TBC1D24: variants seen among roughly 807,000 people sequenced by gnomAD.
The protein encoded by TBC1D24 is TBC1 domain family member 24.
A neutral mutation model predicts 50.7 loss-of-function variants in TBC1D24; 47 were observed. The ratio of observed to expected loss-of-function variants is 0.93; its 90% CI spans 0.73 to 1.18. The LOEUF (loss-of-function observed/expected upper bound fraction) is 1.18. TBC1D24 is among the 50% of genes most tolerant of loss of function. The pLI, the probability that TBC1D24 is intolerant of heterozygous loss-of-function variation, is 0.00. For missense variants in TBC1D24, 688 were observed against 766.5 expected, an observed-to-expected ratio of 0.90 and a Z score of 1.21; for synonymous variants, 324 against 335.2, an observed-to-expected ratio of 0.97 and a Z score of 0.36.
In TBC1D24 at chr16:2,486,400, C is replaced by T. The variant is rs908277916; in HGVS notation, c.-115-9634C>T. 3.3e-5 allele frequency among the ~76,000 whole-genome samples: 5 copies of T among 152,258 alleles called. No homozygotes were observed. Among genetic ancestry groups the T allele is most frequent in the Admixed American group, 2.0e-4 (3 of 15,294 alleles). On this transcript the variant is annotated intron_variant, in intron 1 of 7. Transcript: ENST00000646147. This position sits in a 1 kb window ranked among gnomAD's most constrained non-coding sequence, Gnocchi z 5.8. Reference sequence around the variant, plus strand: ...AAGAAGTGAGACGAGCGGCAGCTGACGCCCATGCCCTGTTCTGTGGCCCGT... The same window carrying T: ...AAGAAGTGAGACGAGCGGCAGCTGATGCCCATGCCCTGTTCTGTGGCCCGT...
intron 1 of TBC1D24, chr16:2,479,384 T>A (rs899282961): frequency 6.6e-6 from 1 of 152,202 alleles, no homozygotes; most frequent in Admixed American, 6.5e-5. Flanking sequence ...TTCCCACAGG[T>A]AGGGCTCTGA....
rs1014189761 is a variant in TBC1D24 at position 2,475,747 on chromosome 16, T to C, written c.-116+577T>C. Among the ~76,000 whole-genome samples, 6 of 151,326 alleles carry C rather than the reference T, an allele frequency of 4.0e-5. No homozygotes were observed. In the South Asian group the frequency reaches 1.3e-3, roughly 32 times the overall value. The stretch of plus-strand genomic sequence containing the variant: ...CCGCTGTCCTTCGGGCCCTGGGAGG[T>C]GGAAGCCAGGGACTCCCAGCCCTGA... On this transcript the variant is annotated intron_variant, in intron 1 of 7. Coordinates refer to ENST00000646147, the MANE Select transcript of TBC1D24 (RefSeq NM_001199107.2). The surrounding 1 kb of genome is among the most constrained non-coding windows in gnomAD (Gnocchi z 4.2).
rs182187260 is a variant in TBC1D24, at chr16:2,486,269, C to T, written c.-115-9765C>T. On this transcript the variant is annotated intron_variant, in intron 1 of 7. Coordinates refer to ENST00000646147, the MANE Select transcript of TBC1D24 (RefSeq NM_001199107.2). This position sits in a 1 kb window ranked among gnomAD's most constrained non-coding sequence, Gnocchi z 5.8. ...ACCTCCTTCCTGTGGTCCCTAGCTG[C>T]GGGCGTTGGCGTTCCCCACCCATGG... Among the ~76,000 whole-genome samples, 248 of 152,346 alleles carry T rather than the reference C, an allele frequency of 1.6e-3. No individual in the cohort carries two copies. The highest frequency in any genetic ancestry group is 4.7e-3 in the African/African-American group (194 of 41,582).
At chr16:2,497,162 G>C (rs373050537) in intron 2 of TBC1D24, 49 bp downstream of exon 2, 26 of 1,597,226 alleles carry the variant, frequency 1.6e-5, no homozygotes, top group Non-Finnish European at 2.2e-5. Context: ...CGGGGGCTGG[G>C]GCAGGACGTG....
chr16:2,500,657 C>T lies in TBC1D24; in HGVS notation c.1526-147C>T. On this transcript the variant is annotated intron_variant, in intron 7 of 7. Coordinates refer to ENST00000646147, the MANE Select transcript of TBC1D24 (RefSeq NM_001199107.2). This position sits in a 1 kb window ranked among gnomAD's most constrained non-coding sequence, Gnocchi z 8.0. ...GCTGGAAGGGAGAGACCAGCCTGGACAGCTGGTCCTGGGGGCTATGGAGGG... is the reference window on the plus strand; with the variant it reads ...GCTGGAAGGGAGAGACCAGCCTGGATAGCTGGTCCTGGGGGCTATGGAGGG... 1.5e-6 allele frequency: 2 copies of T among 1,302,072 alleles called. No individual in the cohort carries two copies. Among genetic ancestry groups the T allele is most frequent in the South Asian group, 1.4e-5 (1 of 70,072 alleles). The allele number at this position is 1,302,072 out of a possible 1,614,324, so 80.7% of individuals were successfully genotyped here. A position where few individuals can be genotyped will look rare whatever the true frequency, so the allele number is the denominator to read the frequency against.
Position 2,486,326 on chromosome 16 carries a change from C to T in TBC1D24, c.-115-9708C>T, listed in dbSNP as rs1039923104. ...GCCTCATTTCCTCTTCCTCTTCATT[C>T]CCGGTCCCACTCCCAGGAAATGGTG... is the stretch of plus-strand genomic sequence containing the variant. On this transcript the variant is annotated intron_variant, in intron 1 of 7. Coordinates refer to ENST00000646147, the MANE Select transcript of TBC1D24 (RefSeq NM_001199107.2). The surrounding 1 kb of genome is among the most constrained non-coding windows in gnomAD (Gnocchi z 5.8). 3.9e-5 allele frequency among the ~76,000 whole-genome samples: 6 copies of T among 152,184 alleles called. No homozygotes were observed. Among genetic ancestry groups the T allele is most frequent in the Non-Finnish European group, 7.3e-5 (5 of 68,038 alleles).
chr16:2,493,326 A>G (rs1204253361), intron 1 of TBC1D24, among the ~76,000 whole-genome samples: 1 of 151,744 alleles, frequency 6.6e-6, no homozygotes, highest in East Asian at 2.0e-4. Context: ...TTTTTAGTAG[A>G]GACAGGGTTT....
rs761057375 is a variant in TBC1D24, at chr16:2,500,778, C to G, written c.1526-26C>G. On this transcript the variant is annotated intron_variant, in intron 7 of 7. Coordinates refer to ENST00000646147, the MANE Select transcript of TBC1D24 (RefSeq NM_001199107.2). This position sits in a 1 kb window ranked among gnomAD's most constrained non-coding sequence, Gnocchi z 8.0. ...GGTCAGTGCTGATAGGGCAGTCAGG[C>G]CGCCACTGACCTGAGCATCCTGCAG... is the stretch of plus-strand genomic sequence containing the variant. 1.3e-6 allele frequency: 2 copies of G among 1,591,354 alleles called. No individual in the cohort carries two copies. The highest frequency in any genetic ancestry group is 8.5e-7 in the Non-Finnish European group (1 of 1,175,056).
At position 2,500,718 on chromosome 16, in the gene TBC1D24, G is replaced by T. The variant is rs2065785796; in HGVS notation, c.1526-86G>T. ...GTGCGGTTTCAGAGAGGCCCGTGCA[G>T]GGCAGGACAGCTGGGACAGCAGGTG... is the stretch of plus-strand genomic sequence containing the variant. On this transcript the variant is annotated intron_variant, in intron 7 of 7. Coordinates refer to ENST00000646147, the MANE Select transcript of TBC1D24 (RefSeq NM_001199107.2). The surrounding 1 kb of genome is among the most constrained non-coding windows in gnomAD (Gnocchi z 8.0). 1 of 1,511,288 alleles carries T rather than the reference G, an allele frequency of 6.6e-7. No homozygotes were observed. The highest frequency in any genetic ancestry group is 1.4e-5 in the African/African-American group (1 of 72,942). 93.6% of individuals were successfully genotyped at this position (1,511,288 alleles called of 1,614,324 possible). A position where few individuals can be genotyped will look rare whatever the true frequency, so the allele number is the denominator to read the frequency against.
In TBC1D24 at chr16:2,482,737, C is replaced by A. The variant is rs1374901220; in HGVS notation, c.-116+7567C>A. ...GACACCTGGGAAGCAGCTGGAGGGACAGGTCTGGACCTCAAAGAAGGATTC... is the reference window on the plus strand; with the variant it reads ...GACACCTGGGAAGCAGCTGGAGGGAAAGGTCTGGACCTCAAAGAAGGATTC... On this transcript the variant is annotated intron_variant, in intron 1 of 7. Coordinates refer to ENST00000646147, the MANE Select transcript of TBC1D24 (RefSeq NM_001199107.2). This position sits in a 1 kb window ranked among gnomAD's most constrained non-coding sequence, Gnocchi z 5.2. Among the ~76,000 whole-genome samples, 1 of 152,152 alleles carries A rather than the reference C, an allele frequency of 6.6e-6. No homozygotes were observed. Among genetic ancestry groups the A allele is most frequent in the Non-Finnish European group, 1.5e-5 (1 of 68,024 alleles).
rs1260594638 is a variant in TBC1D24 at position 2,496,642 on chromosome 16, G to A, written c.494G>A (p.Gly165Asp). The change falls in exon 2 of 8, where the codon GGC becomes GAC. Residue 165 changes from glycine to aspartate, a missense_variant. Transcript: ENST00000646147. ...CGCATCCTGGCCTGCAATGACCCCG[G>A]CAGGAGGCTGATCGACCAGAGCTTC... is the stretch of plus-strand genomic sequence containing the variant. ...ACRILACNDP[G>D]RRLIDQSFLA... The A allele has an allele frequency of 6.2e-7, 1 of 1,612,416 alleles. No homozygotes were observed. Among genetic ancestry groups the A allele is most frequent in the South Asian group, 1.1e-5 (1 of 91,090 alleles).
chr16:2,503,169 C>G lies in TBC1D24; in HGVS notation c.*2211C>G, dbSNP rs1187190303. On this transcript the variant is annotated 3_prime_UTR_variant, in exon 8 of 8. Coordinates refer to ENST00000646147, the MANE Select transcript of TBC1D24 (RefSeq NM_001199107.2). ...ACCCGGGCCTTCCAGTGATCTGGAC[C>G]AGGAAGACGGATTGCTGCTGGGTCA... is the stretch of plus-strand genomic sequence containing the variant. 6.6e-6 allele frequency: 1 copy of G among 152,240 alleles called. No homozygotes were observed. Among genetic ancestry groups the G allele is most frequent in the Non-Finnish European group, 1.5e-5 (1 of 68,048 alleles). 9.4% of individuals were successfully genotyped at this position (152,240 alleles called of 1,614,324 possible). A position where few individuals can be genotyped will look rare whatever the true frequency, so the allele number is the denominator to read the frequency against.
intron 1 of TBC1D24, among the ~76,000 whole-genome samples, chr16:2,495,182 G>A (rs1178593490): frequency 5.9e-5 from 9 of 152,094 alleles, no homozygotes; most frequent in East Asian, 5.8e-4. Context: ...GCAAAATCTC[G>A]TCTCTACTAA....
chr16:2,475,390 C>A lies in TBC1D24; in HGVS notation c.-116+220C>A, dbSNP rs1396414665. 6.6e-6 allele frequency among the ~76,000 whole-genome samples: 1 copy of A among 151,666 alleles called. No homozygotes were observed. Among genetic ancestry groups the A allele is most frequent in the African/African-American group, 2.4e-5 (1 of 41,370 alleles). On this transcript the variant is annotated intron_variant, in intron 1 of 7. Transcript: ENST00000646147. The surrounding 1 kb of genome is among the most constrained non-coding windows in gnomAD (Gnocchi z 4.2). ...CTGCGGCTTGGCCTACGGGAGGGGGCGCAGGAGCGGGACCCCCTGGGCGCG... is the reference window on the plus strand; with the variant it reads ...CTGCGGCTTGGCCTACGGGAGGGGGAGCAGGAGCGGGACCCCCTGGGCGCG...
intron 2 of TBC1D24, 47 bp from the exon 3 acceptor site, chr16:2,497,663 T>G: frequency 2.0e-6 from 3 of 1,530,078 alleles, no homozygotes; most frequent in Non-Finnish European, 2.6e-6. Flanking sequence ...TCTCTTTGTC[T>G]GTTTTATTTT....
At chr16:2,497,633 G>A (rs1275905186) in intron 2 of TBC1D24, 77 bp from the exon 3 acceptor site, 4 of 1,417,772 alleles carry the variant, frequency 2.8e-6, no homozygotes, top group Non-Finnish European at 3.8e-6. Context: ...CCTGTCGGGG[G>A]ATCGGTACTC....
chr16:2,497,874 T>G (rs1272527987), intron 3 of TBC1D24, 147 bp downstream of exon 3: 5 of 826,014 alleles, frequency 6.1e-6, no homozygotes, highest in Non-Finnish European at 9.8e-6. Flanking sequence ...CTCAGGCGCC[T>G]TCTGTCTGTC....
rs1361422699 is a variant in TBC1D24 at position 2,496,115 on chromosome 16, C to T, written c.-34C>T. The T allele has an allele frequency of 1.2e-6, 2 of 1,612,722 alleles. No individual in the cohort carries two copies. The highest frequency in any genetic ancestry group is 1.7e-6 in the Non-Finnish European group (2 of 1,179,594). On this transcript the variant is annotated 5_prime_UTR_variant, in exon 2 of 8. Transcript: ENST00000646147. ...TAGCCACTCTGTCCTCCCCTTCCGGCAGTCCAGGGCCTCCTCCCGAGCACA... is the reference window on the plus strand; with the variant it reads ...TAGCCACTCTGTCCTCCCCTTCCGGTAGTCCAGGGCCTCCTCCCGAGCACA...
In TBC1D24 at chr16:2,502,106, G is replaced by C. The variant is rs186141720; in HGVS notation, c.*1148G>C. ...CTCCCTCTGTCCCTCTTGTGGTGCT[G>C]TGGCTGGCCACGTGTCAGGGTTTTC... On this transcript the variant is annotated 3_prime_UTR_variant, in exon 8 of 8. Coordinates refer to ENST00000646147, the MANE Select transcript of TBC1D24 (RefSeq NM_001199107.2). 6.6e-6 allele frequency: 1 copy of C among 152,638 alleles called. No homozygotes were observed. Among genetic ancestry groups the C allele is most frequent in the Non-Finnish European group, 1.5e-5 (1 of 68,334 alleles). The allele number at this position is 152,638 out of a possible 1,614,324, so 9.5% of individuals were successfully genotyped here.
Sources: gnomAD v4.1 joint callset for allele counts (sites outside exome capture counted in the v4.1 genomes callset) on GRCh38, gnomAD v4.1.1 for gene constraint, Gnocchi (gnomAD v3.1) non-coding constraint, MANE v1.5 for transcripts, NCBI Gene and HGNC (gene_info 2026-07-23, HGNC 2026-07-21) for gene names.